Variants in ZNF483 observed in about 807,000 individuals in gnomAD.
The protein encoded by ZNF483 is zinc finger protein 483, also known as zinc finger protein HIT-10.
Under a neutral mutation model 28.6 loss-of-function variants are expected in ZNF483, and 9 were observed. That is an observed-to-expected ratio of 0.32 (90% confidence interval 0.19 to 0.55). The LOEUF (loss-of-function observed/expected upper bound fraction) is 0.55, where lower values mean the gene tolerates loss of function less well. ZNF483 is among the 20% of genes least tolerant of loss of function. ZNF483 has a pLI of 0.93. For synonymous variants in ZNF483, 322 were observed against 306.2 expected (o/e 1.05, Z -0.54); for missense variants, 675 against 871.7 (o/e 0.77, Z 2.84).
At chr9:111,573,178 C>T (rs1828903676) in intron 5 of ZNF483, among the ~76,000 whole-genome samples, 1 of 152,134 alleles carries the variant, frequency 6.6e-6, no homozygotes, top group Non-Finnish European at 1.5e-5. Context: ...TTGGCTATTC[C>T]TAATCGGACT....
At position 111,549,682 on chromosome 9, in the gene ZNF483, A is replaced by G. The variant is rs1827882964; in HGVS notation, c.*6512A>G. On this transcript the variant is annotated 3_prime_UTR_variant, in exon 6 of 6. Transcript: ENST00000309235. ...CAGCAGGGTTCCCCATTGATTTTCTAAATGTTTGTAGTCCTTTTGTAAAGT... is the reference window on the plus strand; with the variant it reads ...CAGCAGGGTTCCCCATTGATTTTCTGAATGTTTGTAGTCCTTTTGTAAAGT... 1 of 1,521,812 alleles carries G rather than the reference A, an allele frequency of 6.6e-7. No homozygotes were observed. Among genetic ancestry groups the G allele is most frequent in the Non-Finnish European group, 8.9e-7 (1 of 1,129,284 alleles). The allele number at this position is 1,521,812 out of a possible 1,614,324, so 94.3% of individuals were successfully genotyped here. A position where few individuals can be genotyped will look rare whatever the true frequency, so the allele number is the denominator to read the frequency against.
downstream of ZNF483, among the ~76,000 whole-genome samples, chr9:111,559,609 CAT>C (rs2132303783): frequency 2.0e-5 from 3 of 151,420 alleles, no homozygotes; most frequent in Middle Eastern, 3.4e-3. Flanking sequence ...CACACACACA[CAT>C]ATACAACATA....
chr9:111,534,177 G>A, intron 4 of ZNF483, 84 bp from the exon 5 acceptor site: 1 of 1,170,718 alleles, frequency 8.5e-7, no homozygotes, highest in Non-Finnish European at 1.2e-6. Context: ...TATCTTCCTT[G>A]GAGAACCAGA....
chr9:111,542,457 G>A lies in ZNF483; in HGVS notation c.1522G>A (p.Ala508Thr). The A allele has an allele frequency of 1.2e-6, 2 of 1,614,086 alleles. No homozygotes were observed. ...CTGTGGGAAAGGTTTCACCCTAAGTGCTCACCTCATTAAACATCAGAGAAT... is the reference window on the plus strand; with the variant it reads ...CTGTGGGAAAGGTTTCACCCTAAGTACTCACCTCATTAAACATCAGAGAAT... ...DDCGKGFTLS[A>T]HLIKHQRIHT... Residue 508 changes from alanine (A) to threonine (T), a missense_variant, in exon 6 of 6, where the codon GCT becomes ACT. Transcript: ENST00000309235. The surrounding 1 kb of genome is among the most constrained non-coding windows in gnomAD (Gnocchi z 6.2).
At position 111,554,733 on chromosome 9, in the gene ZNF483, T is replaced by G. The variant is rs1218373150; in HGVS notation, c.*11563T>G. Among the ~76,000 whole-genome samples the G allele has an allele frequency of 6.6e-6, 1 of 152,216 alleles. No homozygotes were observed. Among genetic ancestry groups the G allele is most frequent in the African/African-American group, 2.4e-5 (1 of 41,454 alleles). On this transcript the variant is annotated 3_prime_UTR_variant, in exon 6 of 6. Transcript: ENST00000309235. The stretch of plus-strand genomic sequence containing the variant: ...AGAACATACTGGAATTTTTTATTTC[T>G]GGAATTTTCTATTTAAAATTTTGGG...
At chr9:111,539,112 CAAAAAAAAAAA>C (rs11367090) in intron 5 of ZNF483, among the ~76,000 whole-genome samples, 3 of 64,908 alleles carry the variant, frequency 4.6e-5, no homozygotes, top group East Asian at 5.8e-4. Context: ...GACTCCGTCT[CAAAAAAAAAAA>C]AAAAAAAAAA....
intron 5 of ZNF483, among the ~76,000 whole-genome samples, chr9:111,561,110 T>TATATATATATATATATATATAGAGAG (rs1457364862): frequency 5.2e-5 from 1 of 19,198 alleles, no homozygotes; most frequent in Admixed American, 6.0e-4. Context: ...TATATATATA[T>TATATATATATATATATATATAGAGAG]AGAGAGAGAG....
chr9:111,574,774 T>G, intron 5 of ZNF483: 2 of 1,613,948 alleles, frequency 1.2e-6, no homozygotes, highest in Non-Finnish European at 1.7e-6. Flanking sequence ...TAGAGATGGC[T>G]CCACATATGG....
At chr9:111,537,840 T>TG in intron 5 of ZNF483, among the ~76,000 whole-genome samples, 1 of 152,284 alleles carries the variant, frequency 6.6e-6, no homozygotes, top group African/African-American at 2.4e-5. Flanking sequence ...TTGTTCAGGC[T>TG]GGTCTCCAAC....
At chr9:111,566,663 C>G (rs1430315188) in intron 5 of ZNF483, among the ~76,000 whole-genome samples, 2 of 152,090 alleles carry the variant, frequency 1.3e-5, no homozygotes, top group Non-Finnish European at 2.9e-5. Flanking sequence ...CATGTATGCA[C>G]CCCTCTAACA....
chr9:111,532,160 A>G (rs564461879), intron 3 of ZNF483, among the ~76,000 whole-genome samples: 1 of 152,104 alleles, frequency 6.6e-6, no homozygotes, highest in Non-Finnish European at 1.5e-5. Flanking sequence ...AAATTTTAAA[A>G]ATTAGCTGGG....
At position 111,552,911 on chromosome 9, in the gene ZNF483, C is replaced by A. The variant is rs150059581; in HGVS notation, c.*9741C>A. Among the ~76,000 whole-genome samples, 373 of 152,150 alleles carry A rather than the reference C, an allele frequency of 2.5e-3. 5 individuals carry two copies. Among genetic ancestry groups the A allele is most frequent in the African/African-American group, 8.0e-3 (331 of 41,510 alleles). Reference sequence around the variant, plus strand: ...TCATGAATGTCTTTTAAGGTCTTTTCCTCATAATTTTCTAAATACGATAAA... The same window carrying A: ...TCATGAATGTCTTTTAAGGTCTTTTACTCATAATTTTCTAAATACGATAAA... On this transcript the variant is annotated 3_prime_UTR_variant, in exon 6 of 6. Coordinates refer to ENST00000309235, the MANE Select transcript of ZNF483 (RefSeq NM_133464.5).
chr9:111,575,023 G>A lies in ZNF483; in HGVS notation c.722-1342G>A, dbSNP rs998717788. On this transcript the variant is annotated intron_variant, in intron 5 of 5. Coordinates refer to the ZNF483 transcript ENST00000358151. ...ACATTAGAAACAGGCATTTTCGGCC[G>A]GGCACGGTGGCTTACACCTGTAATC... is the stretch of plus-strand genomic sequence containing the variant. 1.2e-4 allele frequency among the ~76,000 whole-genome samples: 18 copies of A among 152,148 alleles called. 1 individual carries two copies. Among genetic ancestry groups the A allele is most frequent in the East Asian group, 1.9e-4 (1 of 5,202 alleles).
chr9:111,527,909 G>T, intron 2 of ZNF483, 102 bp downstream of exon 2: 2 of 1,587,914 alleles, frequency 1.3e-6, no homozygotes, highest in South Asian at 1.1e-5. Context: ...GGAGTCTGAG[G>T]TTAGAAGTTG....
At chr9:111,527,882 C>T (rs1827219293) in intron 2 of ZNF483, 75 bp downstream of exon 2, 1 of 1,610,148 alleles carries the variant, frequency 6.2e-7, no homozygotes, top group Admixed American at 1.7e-5. Flanking sequence ...CAAAAGAAGG[C>T]AATTTACTGC....
In ZNF483 at chr9:111,549,957, G is replaced by A. The variant is rs778175446; in HGVS notation, c.*6787G>A. On this transcript the variant is annotated 3_prime_UTR_variant, in exon 6 of 6. Coordinates refer to ENST00000309235, the MANE Select transcript of ZNF483 (RefSeq NM_133464.5). Reference sequence around the variant, plus strand: ...CAATACTTGTTTCTTTGTATGCATCGTGATTGTTTTTGTTGACAGCTAGAC... The same window carrying A: ...CAATACTTGTTTCTTTGTATGCATCATGATTGTTTTTGTTGACAGCTAGAC... Among the ~76,000 whole-genome samples, 3 of 152,134 alleles carry A rather than the reference G, an allele frequency of 2.0e-5. No homozygotes were observed. Among genetic ancestry groups the A allele is most frequent in the African/African-American group, 4.8e-5 (2 of 41,412 alleles).
At position 111,533,851 on chromosome 9, in the gene ZNF483, A is replaced by T; in HGVS notation, c.614A>T (p.Asn205Ile). The T allele has an allele frequency of 6.3e-7, 1 of 1,589,792 alleles. No homozygotes were observed. The highest frequency in any genetic ancestry group is 8.5e-7 in the Non-Finnish European group (1 of 1,174,286). The change falls in exon 4 of 6, where the codon AAC becomes ATC. Residue 205 changes from asparagine to isoleucine, a missense_variant. Coordinates refer to ENST00000309235, the MANE Select transcript of ZNF483 (RefSeq NM_133464.5). ...GAAGTGCTACTGGAAAACCTCAGGA[A>T]CCTAGAATTTCTGGGTAAAGACACC... ...YKEVLLENLR[N>I]LEFLDFPVSK...
At position 111,544,862 on chromosome 9, in the gene ZNF483, A is replaced by G. The variant is rs73656260; in HGVS notation, c.*1692A>G. ...GAGTGAGGTTTTGGCTTCAGGTCAT[A>G]GGGTTCTGGAGGAACCCCATGGACT... On this transcript the variant is annotated 3_prime_UTR_variant, in exon 6 of 6. Transcript: ENST00000309235. Among the ~76,000 whole-genome samples, 1,621 of 152,310 alleles carry G rather than the reference A, an allele frequency of 0.011. 33 individuals carry two copies. The highest frequency in any genetic ancestry group is 0.037 in the African/African-American group (1,521 of 41,562).
intron 5 of ZNF483, chr9:111,570,314 G>A: frequency 1.4e-6 from 2 of 1,460,762 alleles, no homozygotes; most frequent in South Asian, 1.5e-5. Context: ...GGAGTTTTTT[G>A]GTGCTTCTCC....
Sources: allele counts gnomAD v4.1 joint callset (sites outside exome capture counted in the v4.1 genomes callset), GRCh38; gene constraint gnomAD v4.1.1; non-coding constraint Gnocchi (gnomAD v3.1); transcripts MANE v1.5; gene names NCBI Gene and HGNC (gene_info 2026-07-23, HGNC 2026-07-21).